The following AKAP19 variants were observed in gnomAD, a reference collection of about 807,000 sequenced individuals.
AKAP19 encodes the protein small A-kinase anchoring protein.
the AKAP19 span, among the ~76,000 whole-genome samples, chr2:190,039,898 C>T: frequency 6.6e-6 from 1 of 152,044 alleles, no homozygotes; most frequent in Admixed American, 6.6e-5. Flanking sequence ...TATATGTAAC[C>T]ACATTTTCTT....
the AKAP19 span, among the ~76,000 whole-genome samples, chr2:190,148,812 C>T: frequency 1.3e-5 from 2 of 152,100 alleles, no homozygotes; most frequent in Admixed American, 6.5e-5. Context: ...CATAAAGTAG[C>T]CTTGAATTAT....
chr2:190,203,466 A>G, the AKAP19 span: 3 of 166,022 alleles, frequency 1.8e-5, no homozygotes, highest in African/African-American at 4.8e-5. Flanking sequence ...CTGCACAATA[A>G]AAGTCCAGTT....
the AKAP19 span, among the ~76,000 whole-genome samples, chr2:190,194,475 TATACACACACACACACACACACACACAC>T: frequency 1.6e-5 from 2 of 126,820 alleles, no homozygotes; most frequent in African/African-American, 6.8e-5. Context: ...GTATCCTGTG[TATACACACACACACACACACACACACAC>T]ACACACACAC....
the AKAP19 span, chr2:189,930,882 A>G: frequency 1.4e-6 from 1 of 723,906 alleles, no homozygotes; most frequent in East Asian, 2.6e-5. Context: ...CTGGAGCTGG[A>G]ACCTGTTCCT....
chr2:190,115,530 G>A, the AKAP19 span, among the ~76,000 whole-genome samples: 5 of 147,224 alleles, frequency 3.4e-5, no homozygotes, highest in Non-Finnish European at 6.0e-5. Flanking sequence ...CGTTTTAGCT[G>A]GGATGGTCTC....
chr2:190,004,164 C>G, the AKAP19 span, among the ~76,000 whole-genome samples: 2 of 151,850 alleles, frequency 1.3e-5, no homozygotes, highest in Non-Finnish European at 2.9e-5. Flanking sequence ...AGGAGATATA[C>G]CTAATGCTAA....
At chr2:189,897,268 T>C in the AKAP19 span, among the ~76,000 whole-genome samples, 1 of 152,168 alleles carries the variant, frequency 6.6e-6, no homozygotes, top group South Asian at 2.1e-4. Flanking sequence ...AGAGTCTGTC[T>C]CTGTGCACCT....
chr2:189,963,870 T>G, the AKAP19 span, among the ~76,000 whole-genome samples: 1 of 152,012 alleles, frequency 6.6e-6, no homozygotes, highest in Non-Finnish European at 1.5e-5. Flanking sequence ...ATCAAACAAT[T>G]TTCCCACCTC....
chr2:189,926,532 C>G, the AKAP19 span, among the ~76,000 whole-genome samples: 1 of 150,542 alleles, frequency 6.6e-6, no homozygotes. Context: ...GTGATCCGCC[C>G]GCCTCGGCCT....
At chr2:190,082,972 G>A in the AKAP19 span, among the ~76,000 whole-genome samples, 10 of 152,102 alleles carry the variant, frequency 6.6e-5, no homozygotes, top group Non-Finnish European at 1.3e-4. Context: ...TATATTTATG[G>A]TAGACAACAT....
the AKAP19 span, among the ~76,000 whole-genome samples, chr2:190,133,469 C>G: frequency 4.6e-5 from 7 of 152,016 alleles, no homozygotes; most frequent in Non-Finnish European, 8.8e-5. Flanking sequence ...TATACGGTTG[C>G]TGGGAATGTA....
chr2:190,175,006 G>GA, the AKAP19 span, among the ~76,000 whole-genome samples: 2 of 151,802 alleles, frequency 1.3e-5, no homozygotes, highest in Admixed American at 6.6e-5. Context: ...TAGATTACAT[G>GA]GAGTACATAG....
At chr2:189,896,942 C>T in the AKAP19 span, among the ~76,000 whole-genome samples, 2 of 151,910 alleles carry the variant, frequency 1.3e-5, no homozygotes, top group African/African-American at 2.4e-5. Context: ...TCCTGAATTT[C>T]AAAATCAGTA....
At chr2:190,071,131 T>A in the AKAP19 span, among the ~76,000 whole-genome samples, 3 of 152,260 alleles carry the variant, frequency 2.0e-5, no homozygotes, top group East Asian at 1.9e-4. Flanking sequence ...AAACCTTTTT[T>A]AAAAAGCTTA....
chr2:189,890,174 T>C, the AKAP19 span, among the ~76,000 whole-genome samples: 3 of 152,246 alleles, frequency 2.0e-5, no homozygotes, highest in African/African-American at 7.2e-5. Context: ...CTTAATTTTG[T>C]TATTTACCCA....
chr2:189,923,141 A>G, the AKAP19 span, among the ~76,000 whole-genome samples: 3 of 152,080 alleles, frequency 2.0e-5, no homozygotes, highest in Admixed American at 1.3e-4. Flanking sequence ...ACAGAGTGAG[A>G]CTCCATCTCT....
At chr2:190,024,746 G>T in the AKAP19 span, among the ~76,000 whole-genome samples, 1 of 151,966 alleles carries the variant, frequency 6.6e-6, no homozygotes. Flanking sequence ...TAAAATATTT[G>T]GTTCTAATCC....
chr2:190,009,867 G>C, the AKAP19 span, among the ~76,000 whole-genome samples: 1 of 151,878 alleles, frequency 6.6e-6, no homozygotes, highest in Admixed American at 6.6e-5. Context: ...TGACCAGTAG[G>C]GTCCTAGGAT....
chr2:190,107,833 G>A, the AKAP19 span, among the ~76,000 whole-genome samples: 1 of 152,166 alleles, frequency 6.6e-6, no homozygotes, highest in South Asian at 2.1e-4. Flanking sequence ...ATTTATGTTT[G>A]GACTAGACTA....
Sources: gnomAD v4.1 joint callset for allele counts (sites outside exome capture counted in the v4.1 genomes callset) on GRCh38, gnomAD v4.1.1 for gene constraint, MANE v1.5 for transcripts, NCBI Gene and HGNC (gene_info 2026-07-23, HGNC 2026-07-21) for gene names.